ELP4: variants seen among roughly 807,000 people sequenced by gnomAD.
ELP4 encodes elongator acetyltransferase complex subunit 4.
ELP4 carries 51 observed loss-of-function variants against 48.9 expected under a neutral mutation model. The ratio of observed to expected loss-of-function variants is 1.04; its 90% confidence interval spans 0.83 to 1.32. The LOEUF (loss-of-function observed/expected upper bound fraction) is 1.32. Among genes scored for constraint, ELP4 ranks in the 40% most tolerant of loss-of-function variants. The pLI, the probability that ELP4 is intolerant of heterozygous loss-of-function variation, is 0.00. For missense variants in ELP4, 519 were observed against 514.6 expected (o/e 1.01, Z -0.08); for synonymous variants, 210 against 189.2 (o/e 1.11, Z -0.90).
intron 4 of ELP4, 41 bp from the exon 5 acceptor site, chr11:31,603,727 A>G: frequency 6.3e-7 from 1 of 1,577,242 alleles, no homozygotes. Context: ...TATAGCTTAA[A>G]AATAATTGTT....
intron 9 of ELP4, among the ~76,000 whole-genome samples, chr11:31,769,570 G>C (rs1282766698): frequency 6.6e-6 from 1 of 152,104 alleles, no homozygotes. Context: ...GTATCAGTCA[G>C]ACCTCTGCCA....
At chr11:31,775,518 A>G (rs1321708603) in intron 9 of ELP4, among the ~76,000 whole-genome samples, 1 of 152,192 alleles carries the variant, frequency 6.6e-6, no homozygotes, top group Non-Finnish European at 1.5e-5. Flanking sequence ...TTCTGAGGTT[A>G]TGAGTACCCA....
At chr11:31,563,289 G>A (rs1298207755) in intron 3 of ELP4, among the ~76,000 whole-genome samples, 2 of 152,098 alleles carry the variant, frequency 1.3e-5, no homozygotes, top group African/African-American at 2.4e-5. Flanking sequence ...GTGATTAAGA[G>A]GGTGTGAGGT....
intron 9 of ELP4, among the ~76,000 whole-genome samples, chr11:31,685,956 A>G (rs1252873122): frequency 6.6e-6 from 1 of 151,596 alleles, no homozygotes; most frequent in Non-Finnish European, 1.5e-5. Context: ...AATCTTTCCT[A>G]TATATTGTTA....
chr11:31,527,745 T>G (rs1166857458), intron 2 of ELP4, among the ~76,000 whole-genome samples: 1 of 152,122 alleles, frequency 6.6e-6, no homozygotes, highest in Non-Finnish European at 1.5e-5. Flanking sequence ...GTTGCCAGAA[T>G]GCACTTTCTA....
intron 9 of ELP4, chr11:31,663,989 G>C (rs1296945856): frequency 6.6e-6 from 1 of 151,938 alleles, no homozygotes; most frequent in Non-Finnish European, 1.5e-5. Flanking sequence ...CTTTTCAAAG[G>C]TGTTTACGAT....
At chr11:31,699,755 A>C (rs1214795660) in intron 9 of ELP4, among the ~76,000 whole-genome samples, 2 of 152,192 alleles carry the variant, frequency 1.3e-5, no homozygotes, top group African/African-American at 4.8e-5. Flanking sequence ...GGTTGACATC[A>C]CAAGTGGGTC....
chr11:31,591,989 C>T (rs1375852943), intron 3 of ELP4, among the ~76,000 whole-genome samples: 4 of 152,058 alleles, frequency 2.6e-5, no homozygotes, highest in Non-Finnish European at 5.9e-5. Context: ...ATGAAGGAAG[C>T]CAGACACAAA....
chr11:31,516,303 T>C (rs1159995470), intron 1 of ELP4, among the ~76,000 whole-genome samples: 2 of 152,228 alleles, frequency 1.3e-5, no homozygotes, highest in East Asian at 3.8e-4. Context: ...GTCTCTTGTA[T>C]GCTTATATCA....
chr11:31,754,225 G>A (rs1466659610), intron 9 of ELP4, among the ~76,000 whole-genome samples: 1 of 152,156 alleles, frequency 6.6e-6, no homozygotes, highest in South Asian at 2.1e-4. Flanking sequence ...ACCATTCAAA[G>A]TAATCCTTTA....
rs377241285 is a variant in ELP4 at position 31,693,157 on chromosome 11, T to TTTA, written c.1143+42953_1143+42955dup. 8.0e-3 allele frequency among the ~76,000 whole-genome samples: 1,208 copies of TTTA among 151,788 alleles called. 14 individuals carry two copies. Among genetic ancestry groups the TTTA allele is most frequent in the African/African-American group, 0.028 (1,140 of 41,424 alleles). ...ATGGAAATAATCTTAAACTCGTTTT[T>TTTA]TTATTATTATTATTATTATACTTTA... On this transcript the variant is annotated intron_variant, in intron 9 of 9. Transcript: ENST00000640961.
chr11:31,615,174 A>G (rs1958054166), intron 5 of ELP4, among the ~76,000 whole-genome samples: 2 of 152,240 alleles, frequency 1.3e-5, no homozygotes, highest in South Asian at 4.1e-4. Flanking sequence ...TTTGTTCTAT[A>G]TTTGCAACTT....
chr11:31,650,352 G>C (rs1945295081), intron 9 of ELP4, 131 bp downstream of exon 9: 1 of 435,288 alleles, frequency 2.3e-6, no homozygotes, highest in African/African-American at 2.1e-5. Flanking sequence ...TTTATGCTAA[G>C]TATTTTTAAG....
At chr11:31,692,884 C>G (rs534313683) in intron 9 of ELP4, among the ~76,000 whole-genome samples, 1 of 152,246 alleles carries the variant, frequency 6.6e-6, no homozygotes, top group African/African-American at 2.4e-5. Context: ...TTGAATACCT[C>G]CGTTTATGCT....
chr11:31,600,883 C>T (rs538137812), intron 4 of ELP4, among the ~76,000 whole-genome samples: 8 of 152,074 alleles, frequency 5.3e-5, no homozygotes, highest in South Asian at 2.1e-4. Context: ...AAGTAGAGTA[C>T]GGTATTTTTT....
chr11:31,783,068 G>A lies in ELP4; in HGVS notation c.1144-325G>A, dbSNP rs116163573. Among the ~76,000 whole-genome samples the A allele has an allele frequency of 6.5e-3, 993 of 152,258 alleles. 8 individuals are homozygous for A. Among genetic ancestry groups the A allele is most frequent in the African/African-American group, 0.023 (946 of 41,542 alleles). ...CCGTTATTTATGCGATATTTCCAAC[G>A]TTGCTGTTATTTATGTGTTTACATG... is the stretch of plus-strand genomic sequence containing the variant. On this transcript the variant is annotated intron_variant, in intron 9 of 9. Coordinates refer to ENST00000640961, the MANE Select transcript of ELP4 (RefSeq NM_019040.5).
intron 4 of ELP4, chr11:31,600,493 A>G (rs187048980): frequency 2.0e-5 from 3 of 152,284 alleles, no homozygotes; most frequent in Admixed American, 2.0e-4. Context: ...GTAGATGTGT[A>G]TAGGTGTAGA....
intron 9 of ELP4, among the ~76,000 whole-genome samples, chr11:31,655,985 A>G (rs752695504): frequency 6.6e-6 from 1 of 152,002 alleles, no homozygotes; most frequent in African/African-American, 2.4e-5. Flanking sequence ...GAGAATATAT[A>G]AGGAAATTGT....
chr11:31,581,121 T>C (rs1010715546), intron 3 of ELP4, among the ~76,000 whole-genome samples: 2 of 152,208 alleles, frequency 1.3e-5, no homozygotes, highest in Non-Finnish European at 2.9e-5. Context: ...CAAACTCCTC[T>C]TAAATGTATG....
Sources: allele counts gnomAD v4.1 joint callset (sites outside exome capture counted in the v4.1 genomes callset), GRCh38; gene constraint gnomAD v4.1.1; transcripts MANE v1.5; gene names NCBI Gene and HGNC (gene_info 2026-07-23, HGNC 2026-07-21).